SAMMSON: variants seen among roughly 807,000 people sequenced by gnomAD.
The protein encoded by SAMMSON is long intergenic non-protein coding RNA 1212.
chr3:70,296,510 TA>T (rs1204785162), intron 7 of SAMMSON, among the ~76,000 whole-genome samples: 2 of 152,038 alleles, frequency 1.3e-5, no homozygotes, highest in Non-Finnish European at 2.9e-5. Flanking sequence ...TAAGATAATT[TA>T]AAAAAAATCA....
intron 2 of SAMMSON, among the ~76,000 whole-genome samples, chr3:70,013,316 A>G (rs956792253): frequency 2.6e-5 from 4 of 152,188 alleles, no homozygotes; most frequent in African/African-American, 9.7e-5. Context: ...CAATAAGAGT[A>G]GCCTCCTCAA....
At chr3:70,046,833 G>A (rs2067128541) in intron 3 of SAMMSON, among the ~76,000 whole-genome samples, 1 of 152,004 alleles carries the variant, frequency 6.6e-6, no homozygotes, top group African/African-American at 2.4e-5. Context: ...TTTGTCTGGT[G>A]GCCCCTTCCT....
chr3:70,262,090 C>G (rs1239110149), intron 6 of SAMMSON, among the ~76,000 whole-genome samples: 3 of 152,132 alleles, frequency 2.0e-5, no homozygotes, highest in Non-Finnish European at 4.4e-5. Flanking sequence ...CTTTTCTTTT[C>G]TCAAAAGCTG....
chr3:70,043,679 T>C (rs1337421088), intron 3 of SAMMSON, among the ~76,000 whole-genome samples: 1 of 152,070 alleles, frequency 6.6e-6, no homozygotes, highest in East Asian at 1.9e-4. Flanking sequence ...GTTTATAAAC[T>C]GATAGACTAC....
In SAMMSON at chr3:70,238,252, T is replaced by C. The variant is rs552582038; in HGVS notation, n.508-10855T>C. Among the ~76,000 whole-genome samples the C allele has an allele frequency of 5.7e-3, 870 of 151,998 alleles. 10 individuals are homozygous for C. Among genetic ancestry groups the C allele is most frequent in the Non-Finnish European group, 0.01 (686 of 67,982 alleles). On this transcript the variant is annotated intron_variant and non_coding_transcript_variant, in intron 4 of 9. Transcript: ENST00000642114. ...TGGGAGTAACAGTTCTCTCCTTCTA[T>C]GTAAGGTGTAAACACTATTTGGGCT...
At chr3:70,165,371 G>C (rs2067632797) in intron 4 of SAMMSON, among the ~76,000 whole-genome samples, 2 of 151,894 alleles carry the variant, frequency 1.3e-5, no homozygotes, top group African/African-American at 4.8e-5. Flanking sequence ...GATCATGAGG[G>C]CAGAGCCCCA....
chr3:70,115,071 T>C (rs2067404967), intron 4 of SAMMSON, among the ~76,000 whole-genome samples: 1 of 152,050 alleles, frequency 6.6e-6, no homozygotes, highest in Admixed American at 6.6e-5. Flanking sequence ...TATGCCTTAT[T>C]ACTTCAGATT....
chr3:70,083,782 T>C (rs1390888050), intron 4 of SAMMSON, among the ~76,000 whole-genome samples: 1 of 152,172 alleles, frequency 6.6e-6, no homozygotes, highest in Non-Finnish European at 1.5e-5. Flanking sequence ...TGACCTCTTA[T>C]TATGATCTGT....
rs1428113715 is a variant in SAMMSON, at chr3:70,298,964, G to A, written n.739+7721G>A. ...CTGCACATATATTTTATGCAACTAA[G>A]CTGAGGCATTGATGTGCAATAGATT... is the stretch of plus-strand genomic sequence containing the variant. On this transcript the variant is annotated intron_variant and non_coding_transcript_variant, in intron 7 of 9. Coordinates refer to ENST00000642114, the Ensembl canonical transcript of SAMMSON. Among the ~76,000 whole-genome samples the A allele has an allele frequency of 2.0e-5, 3 of 152,130 alleles. No homozygotes were observed. In the East Asian group the frequency reaches 5.8e-4, roughly 29 times the overall value.
Position 70,288,583 on chromosome 3 carries a change from T to C in SAMMSON, n.675-2596T>C, listed in dbSNP as rs1310939777. Among the ~76,000 whole-genome samples, 366 of 148,852 alleles carry C rather than the reference T, an allele frequency of 2.5e-3. 3 individuals carry two copies. Among genetic ancestry groups the C allele is most frequent in the African/African-American group, 8.3e-3 (333 of 40,130 alleles). On this transcript the variant is annotated intron_variant and non_coding_transcript_variant, in intron 6 of 9. Transcript: ENST00000642114. ...GTAGATGTCTATTAGGTCCACTTGC[T>C]GCAGAGCTGAGTTCAATTCCTGGGT...
chr3:70,347,671 A>G (rs1186112710), intron 7 of SAMMSON, among the ~76,000 whole-genome samples: 1 of 152,202 alleles, frequency 6.6e-6, no homozygotes, highest in Non-Finnish European at 1.5e-5. Context: ...ACAAGTCAAA[A>G]AGACCTGGCC....
chr3:70,010,841 G>T lies in SAMMSON; in HGVS notation n.23-1516G>T, dbSNP rs145436105. On this transcript the variant is annotated intron_variant and non_coding_transcript_variant, in intron 1 of 9. Coordinates refer to ENST00000642114, the Ensembl canonical transcript of SAMMSON. ...AGGCACCTTCTTCACAGGGCTTTAG[G>T]ACGGAGTGAGTGCAAACAGGGGAAA... is the stretch of plus-strand genomic sequence containing the variant. Among the ~76,000 whole-genome samples the T allele has an allele frequency of 2.1e-3, 313 of 152,236 alleles. 2 individuals carry two copies. Among genetic ancestry groups the T allele is most frequent in the African/African-American group, 7.3e-3 (303 of 41,524 alleles).
intron 3 of SAMMSON, among the ~76,000 whole-genome samples, chr3:70,023,223 G>A (rs1433784242): frequency 6.6e-5 from 10 of 151,998 alleles, no homozygotes; most frequent in Non-Finnish European, 1.0e-4. Flanking sequence ...TTGGGAGGCC[G>A]AGGCAGGCAG....
intron 7 of SAMMSON, among the ~76,000 whole-genome samples, chr3:70,312,327 C>T (rs1195685335): frequency 6.6e-6 from 1 of 152,142 alleles, no homozygotes; most frequent in Admixed American, 6.6e-5. Flanking sequence ...TATAGAAAAG[C>T]ATGCTGCAAA....
At chr3:70,239,626 C>T (rs1209997402) in intron 4 of SAMMSON, among the ~76,000 whole-genome samples, 2 of 152,110 alleles carry the variant, frequency 1.3e-5, no homozygotes, top group Non-Finnish European at 2.9e-5. Flanking sequence ...TGAAGCTTAA[C>T]ATTTCTAGAC....
intron 4 of SAMMSON, among the ~76,000 whole-genome samples, chr3:70,081,212 C>T (rs111786051): frequency 1.3e-5 from 2 of 152,220 alleles, no homozygotes; most frequent in African/African-American, 4.8e-5. Context: ...CTCCAGGCTT[C>T]ACTCCATTCT....
intron 4 of SAMMSON, among the ~76,000 whole-genome samples, chr3:70,098,854 T>C (rs563562696): frequency 6.7e-4 from 102 of 152,286 alleles, no homozygotes; most frequent in Non-Finnish European, 8.4e-4. Flanking sequence ...GCGATTATTG[T>C]TTTCATTTAC....
chr3:70,212,111 A>C (rs1475244598), intron 4 of SAMMSON, among the ~76,000 whole-genome samples: 1 of 152,068 alleles, frequency 6.6e-6, no homozygotes, highest in Non-Finnish European at 1.5e-5. Context: ...GAAGTTGGCC[A>C]CTAAATCTTC....
rs528866877 is a variant in SAMMSON at position 70,065,943 on chromosome 3, G to T, written n.418-5533G>T. Among the ~76,000 whole-genome samples, 16 of 152,202 alleles carry T rather than the reference G, an allele frequency of 1.1e-4. No individual in the cohort carries two copies. The East Asian group carries it at 1.9e-3, about 18-fold the overall frequency. ...AGTCCATAAACTCTTGTAACATATG[G>T]AACGAAATCCCAACTGCAAAGCTTT... On this transcript the variant is annotated intron_variant and non_coding_transcript_variant, in intron 3 of 9. Transcript: ENST00000642114.
Sources: gnomAD v4.1 joint callset for allele counts (sites outside exome capture counted in the v4.1 genomes callset) on GRCh38, gnomAD v4.1.1 for gene constraint, MANE v1.5 for transcripts, NCBI Gene and HGNC (gene_info 2026-07-23, HGNC 2026-07-21) for gene names.